ARMH3: variants seen among roughly 807,000 people sequenced by gnomAD.
ARMH3 encodes the protein armadillo-like helical domain-containing protein 3.
A neutral mutation model predicts 99.1 loss-of-function variants in ARMH3; 60 were observed. The observed-to-expected ratio is 0.61, with a 90% CI of 0.49 to 0.75. The LOEUF (loss-of-function observed/expected upper bound fraction) is 0.75. Among genes scored for constraint, ARMH3 ranks in the 30% least tolerant of loss-of-function variants. The probability of loss-of-function intolerance (pLI) is 0.00; values close to 1 mark genes in which losing one functional copy is unlikely to be tolerated. For synonymous variants in ARMH3, 285 were observed against 292.8 expected (o/e 0.97, Z 0.27); for missense variants, 679 against 843.1 (o/e 0.81, Z 2.41).
At chr10:101,973,615 C>T (rs1564809199) in intron 20 of ARMH3, among the ~76,000 whole-genome samples, 1 of 151,758 alleles carries the variant, frequency 6.6e-6, no homozygotes, top group African/African-American at 2.4e-5. Context: ...GTGGACAAGA[C>T]AATGGAACAG....
intron 19 of ARMH3, among the ~76,000 whole-genome samples, chr10:101,976,988 T>C (rs965354351): frequency 2.6e-5 from 4 of 152,150 alleles, no homozygotes; most frequent in Non-Finnish European, 5.9e-5. Context: ...TTTCCTTTCT[T>C]TTCTTTTTTT....
intron 2 of ARMH3, among the ~76,000 whole-genome samples, chr10:102,036,088 C>T (rs566569890): frequency 3.4e-5 from 5 of 148,532 alleles, no homozygotes; most frequent in African/African-American, 1.2e-4. Flanking sequence ...CACCTCCGCC[C>T]GGCAGCCACC....
chr10:101,986,715 C>T (rs1846528789), intron 19 of ARMH3, among the ~76,000 whole-genome samples: 2 of 152,118 alleles, frequency 1.3e-5, no homozygotes, highest in Non-Finnish European at 2.9e-5. Flanking sequence ...TGGCCTGCTG[C>T]CCAGCTGGAA....
At chr10:101,945,157 G>T (rs2077946456) in intron 22 of ARMH3, among the ~76,000 whole-genome samples, 1 of 152,100 alleles carries the variant, frequency 6.6e-6, no homozygotes, top group Admixed American at 6.5e-5. Flanking sequence ...CTCACAAGAG[G>T]GTCAGTTTCC....
chr10:101,875,157 C>G (rs2067229975), intron 24 of ARMH3, among the ~76,000 whole-genome samples: 1 of 152,066 alleles, frequency 6.6e-6, no homozygotes, highest in African/African-American at 2.4e-5. Context: ...TAGACCAAAG[C>G]AGGTCCTGAG....
intron 23 of ARMH3, among the ~76,000 whole-genome samples, chr10:101,927,047 C>T (rs781639490): frequency 6.6e-6 from 1 of 152,144 alleles, no homozygotes; most frequent in Non-Finnish European, 1.5e-5. Context: ...TCACTCTCCC[C>T]CTCTCAATCT....
At position 101,889,455 on chromosome 10, in the gene ARMH3, G is replaced by A; in HGVS notation, c.1817C>T (p.Ser606Phe). Residue 606 changes from serine to phenylalanine, a missense_variant, in exon 24 of 26, where the codon TCC (serine) becomes TTC (phenylalanine). Transcript: ENST00000370033. Reference protein sequence around the residue: ...IINHFNPKIESYAAVNHISQL... With the variant: ...IINHFNPKIEFYAAVNHISQL... Reference sequence around the variant, plus strand: ...GGATATGTGATTCACAGCAGCGTAGGACTCAATTTTGGGGTTAAAGTGGTT... The same window carrying A: ...GGATATGTGATTCACAGCAGCGTAGAACTCAATTTTGGGGTTAAAGTGGTT... 6.2e-7 allele frequency: 1 copy of A among 1,614,018 alleles called. No homozygotes were observed. The highest frequency in any genetic ancestry group is 8.5e-7 in the Non-Finnish European group (1 of 1,179,902).
intron 23 of ARMH3, among the ~76,000 whole-genome samples, chr10:101,905,547 G>C (rs1467857939): frequency 6.6e-6 from 1 of 152,136 alleles, no homozygotes; most frequent in Non-Finnish European, 1.5e-5. Flanking sequence ...ACAGAATTTT[G>C]GTAGGTGAAA....
chr10:101,918,369 T>C (rs12269369), intron 23 of ARMH3, among the ~76,000 whole-genome samples: 10 of 152,176 alleles, frequency 6.6e-5, no homozygotes, highest in African/African-American at 1.9e-4. Context: ...GTATATTATC[T>C]TTAATAACTA....
At chr10:101,972,936 T>C (rs1253594917) in intron 20 of ARMH3, among the ~76,000 whole-genome samples, 1 of 152,210 alleles carries the variant, frequency 6.6e-6, no homozygotes, top group Non-Finnish European at 1.5e-5. Flanking sequence ...GAGCTGAAAG[T>C]TCTGAAAGAC....
intron 24 of ARMH3, among the ~76,000 whole-genome samples, chr10:101,872,377 A>C (rs1199189877): frequency 6.6e-6 from 1 of 152,174 alleles, no homozygotes; most frequent in East Asian, 1.9e-4. Flanking sequence ...GACACTTCAC[A>C]AAAGAAGATA....
At chr10:101,900,805 G>C (rs2067955740) in intron 23 of ARMH3, among the ~76,000 whole-genome samples, 1 of 152,032 alleles carries the variant, frequency 6.6e-6, no homozygotes, top group African/African-American at 2.4e-5. Context: ...AACATAGTGA[G>C]ACCCCCATAT....
At chr10:101,886,299 A>C (rs993539423) in intron 24 of ARMH3, among the ~76,000 whole-genome samples, 1 of 151,172 alleles carries the variant, frequency 6.6e-6, no homozygotes, top group African/African-American at 2.4e-5. Flanking sequence ...GGCTCATTTG[A>C]GGTCAGGAGT....
intron 1 of ARMH3, among the ~76,000 whole-genome samples, chr10:102,049,479 T>C (rs180788040): frequency 3.7e-4 from 56 of 151,674 alleles, no homozygotes; most frequent in Middle Eastern, 3.4e-3. Flanking sequence ...GAGGCGGAGG[T>C]TGCAGTGAGC....
At chr10:101,946,071 CAAAAAAA>C (rs569179050) in intron 22 of ARMH3, among the ~76,000 whole-genome samples, 157 of 34,376 alleles carry the variant, frequency 4.6e-3, no homozygotes, top group African/African-American at 0.036. Context: ...GACTCTGCCT[CAAAAAAA>C]AAAAAAAAAA....
At chr10:101,914,825 C>A (rs1843008554) in intron 23 of ARMH3, among the ~76,000 whole-genome samples, 1 of 124,316 alleles carries the variant, frequency 8.0e-6, no homozygotes, top group Non-Finnish European at 1.6e-5. Context: ...AAGATCACAG[C>A]TATTACACTC....
At chr10:101,967,672 G>A (rs993225595) in intron 20 of ARMH3, among the ~76,000 whole-genome samples, 3 of 152,196 alleles carry the variant, frequency 2.0e-5, no homozygotes, top group African/African-American at 7.2e-5. Flanking sequence ...GGGAGGCAGA[G>A]GTTACGGTGA....
chr10:101,960,717 C>T (rs1028817830), intron 20 of ARMH3, among the ~76,000 whole-genome samples: 6 of 151,738 alleles, frequency 4.0e-5, no homozygotes, highest in Non-Finnish European at 7.4e-5. Flanking sequence ...GGTGAAACCC[C>T]GTCTCTACTA....
intron 23 of ARMH3, among the ~76,000 whole-genome samples, chr10:101,927,657 C>G (rs1165002941): frequency 6.6e-6 from 1 of 152,158 alleles, no homozygotes; most frequent in African/African-American, 2.4e-5. Context: ...AGGATGAACA[C>G]TAAGTTTCAG....
Sources: allele counts gnomAD v4.1 joint callset (sites outside exome capture counted in the v4.1 genomes callset), GRCh38; gene constraint gnomAD v4.1.1; transcripts MANE v1.5; gene names NCBI Gene and HGNC (gene_info 2026-07-23, HGNC 2026-07-21).